The following PRH1 variants were observed in gnomAD, a reference collection of about 807,000 sequenced individuals.
PRH1 encodes salivary acidic proline-rich phosphoprotein 1/2.
A neutral mutation model predicts 7.9 loss-of-function variants in PRH1; 7 were observed. That is an observed-to-expected ratio of 0.89 (90% CI 0.50 to 1.67). The LOEUF (loss-of-function observed/expected upper bound fraction) is 1.67, where lower values mean the gene tolerates loss of function less well. PRH1 is among the 40% of genes most tolerant of loss of function. The pLI, the probability that PRH1 is intolerant of heterozygous loss-of-function variation, is 0.00. For missense variants in PRH1, 109 were observed against 223.6 expected, an observed-to-expected ratio of 0.49 and a Z score of 3.27; for synonymous variants, 45 against 80.8, an observed-to-expected ratio of 0.56 and a Z score of 2.38.
chr12:10,937,324 T>C (rs1243204612), intron 2 of PRH1: 2 of 152,172 alleles, frequency 1.3e-5, no homozygotes, highest in Admixed American at 6.6e-5. Flanking sequence ...CATTGTTTTA[T>C]GTACCACCAT....
chr12:10,970,038 G>GTGATC (rs1471195923), intron 2 of PRH1, among the ~76,000 whole-genome samples: 1 of 152,180 alleles, frequency 6.6e-6, no homozygotes, highest in East Asian at 1.9e-4. Context: ...CTGACCTCAG[G>GTGATC]TGATCTGCCT....
chr12:11,093,083 T>A lies in PRH1; in HGVS notation n.124-45895A>T, dbSNP rs1351496288. On this transcript the variant is annotated intron_variant and non_coding_transcript_variant, in intron 1 of 4. Transcript: ENST00000541977. Reference sequence around the variant, plus strand: ...ACATATTCACTTTCAGTGTTTGCAATTTTTCCTTGTGTAAACTCTCCATCA... The same window carrying A: ...ACATATTCACTTTCAGTGTTTGCAAATTTTCCTTGTGTAAACTCTCCATCA... 2.6e-5 allele frequency among the ~76,000 whole-genome samples: 3 copies of A among 116,514 alleles called. 1 individual carries two copies. The highest frequency in any genetic ancestry group is 6.1e-5 in the Non-Finnish European group (3 of 49,296). The allele number at this position is 116,514 out of a possible 152,430, so 76.4% of individuals were successfully genotyped here.
intron 2 of PRH1, among the ~76,000 whole-genome samples, chr12:10,921,775 T>C (rs1465245234): frequency 1.3e-5 from 2 of 152,296 alleles, no homozygotes; most frequent in African/African-American, 4.8e-5. Flanking sequence ...TTTTGTTTGT[T>C]TAGTTTTTGA....
At chr12:11,000,176 C>T (rs2060702) in intron 1 of PRH1, among the ~76,000 whole-genome samples, 46,322 of 151,936 alleles carry the variant, frequency 0.3, 8,922 homozygotes, top group East Asian at 0.74. Flanking sequence ...GTCTCTTTAT[C>T]GCTATTTGCA....
chr12:11,161,288 G>A (rs746565547), intron 1 of PRH1, among the ~76,000 whole-genome samples: 4 of 152,156 alleles, frequency 2.6e-5, no homozygotes, highest in Non-Finnish European at 5.9e-5. Flanking sequence ...CATATTGTTT[G>A]AAACGTTTTA....
Position 10,997,163 on chromosome 12 carries a change from A to G in PRH1, c.-125-23442T>C, listed in dbSNP as rs770485784. 39 of 1,613,984 alleles carry G rather than the reference A, an allele frequency of 2.4e-5. No homozygotes were observed. In the Admixed American group the frequency reaches 6.2e-4, roughly 26 times the overall value. On this transcript the variant is annotated intron_variant, in intron 1 of 3. Transcript: ENST00000539853. ...GATTAGACACAGAAAGTAAATGGCAAGTAATATGAGGAAGGAGGTCACAGT... is the reference window on the plus strand; with the variant it reads ...GATTAGACACAGAAAGTAAATGGCAGGTAATATGAGGAAGGAGGTCACAGT...
chr12:11,122,601 T>C (rs904910225), intron 1 of PRH1, among the ~76,000 whole-genome samples: 15 of 152,286 alleles, frequency 9.8e-5, no homozygotes, highest in African/African-American at 3.6e-4. Context: ...AAAAACCTGT[T>C]GAAAAATCTG....
At chr12:11,108,651 TC>T in intron 1 of PRH1, among the ~76,000 whole-genome samples, 1 of 152,320 alleles carries the variant, frequency 6.6e-6, no homozygotes, top group Admixed American at 6.5e-5. Context: ...TACTACACTT[TC>T]CCCATGGTCT....
At chr12:11,037,421 T>C (rs1466376178) in intron 1 of PRH1, among the ~76,000 whole-genome samples, 4 of 152,250 alleles carry the variant, frequency 2.6e-5, no homozygotes, top group African/African-American at 9.6e-5. Flanking sequence ...CCAAAAAATT[T>C]ATAGTAACAA....
At chr12:10,898,956 T>C (rs994284291) in intron 2 of PRH1, among the ~76,000 whole-genome samples, 6 of 152,230 alleles carry the variant, frequency 3.9e-5, no homozygotes, top group African/African-American at 1.4e-4. Context: ...AGAAGAGGCA[T>C]GTGCCCAGAA....
intron 1 of PRH1, among the ~76,000 whole-genome samples, chr12:11,088,949 C>T (rs2136250982): frequency 8.6e-6 from 1 of 115,816 alleles, no homozygotes; most frequent in East Asian, 2.1e-4. Flanking sequence ...AAAAACAAAA[C>T]AGCAAGTGGA....
At position 11,092,738 on chromosome 12, in the gene PRH1, G is replaced by T. The variant is rs1389750231; in HGVS notation, n.124-45550C>A. 1.7e-5 allele frequency among the ~76,000 whole-genome samples: 2 copies of T among 115,874 alleles called. 1 individual carries two copies. The highest frequency in any genetic ancestry group is 4.1e-5 in the Non-Finnish European group (2 of 49,116). 76.0% of individuals were successfully genotyped at this position (115,874 alleles called of 152,430 possible). A position where few individuals can be genotyped will look rare whatever the true frequency, so the allele number is the denominator to read the frequency against. ...TCCAAGTCCCCACAAGATTCAGGAA[G>T]TATAGCTGGCTTCATCTCTCAATCT... is the stretch of plus-strand genomic sequence containing the variant. On this transcript the variant is annotated intron_variant and non_coding_transcript_variant, in intron 1 of 4. Coordinates refer to the PRH1 transcript ENST00000541977.
Position 11,031,288 on chromosome 12 carries a change from T to C in PRH1, c.-126+15732A>G, listed in dbSNP as rs1389340315. On this transcript the variant is annotated intron_variant, in intron 1 of 3. Coordinates refer to the PRH1 transcript ENST00000539853. ...CATTAGCAAAATTTCCAATAACAAA[T>C]AGAACCACTACCACACTGGAAAAAA... 5 of 1,613,776 alleles carry C rather than the reference T, an allele frequency of 3.1e-6. No individual in the cohort carries two copies. In the South Asian group the frequency reaches 3.3e-5, roughly 11 times the overall value.
At chr12:11,026,608 T>G (rs1366984709) in intron 1 of PRH1, among the ~76,000 whole-genome samples, 1 of 152,046 alleles carries the variant, frequency 6.6e-6, no homozygotes, top group Non-Finnish European at 1.5e-5. Flanking sequence ...GTCAGTGCCG[T>G]GACAAAACAC....
chr12:10,929,353 G>T, intron 2 of PRH1: 1 of 1,614,102 alleles, frequency 6.2e-7, no homozygotes, highest in South Asian at 1.1e-5. Context: ...CCGAATTGGG[G>T]GAAGATATTG....
intron 1 of PRH1, among the ~76,000 whole-genome samples, chr12:10,981,555 A>G (rs1225795705): frequency 2.6e-5 from 4 of 151,786 alleles, no homozygotes; most frequent in Admixed American, 1.3e-4. Context: ...TTGTATTTTT[A>G]GTAGAGGTGG....
intron 1 of PRH1, among the ~76,000 whole-genome samples, chr12:10,998,211 T>C (rs1317875104): frequency 2.0e-5 from 3 of 152,190 alleles, no homozygotes; most frequent in Admixed American, 6.6e-5. Flanking sequence ...AATAAAGACA[T>C]ATCCTCTTTC....
intron 1 of PRH1, among the ~76,000 whole-genome samples, chr12:11,140,777 T>G (rs142650272): frequency 1.1e-3 from 174 of 152,250 alleles, no homozygotes; most frequent in African/African-American, 3.9e-3. Context: ...TTCAGCAACT[T>G]CAGTTGTTAG....
At chr12:10,944,353 T>C (rs1352550341) in intron 2 of PRH1, among the ~76,000 whole-genome samples, 2 of 152,156 alleles carry the variant, frequency 1.3e-5, no homozygotes, top group African/African-American at 2.4e-5. Flanking sequence ...TGAATGGGAT[T>C]GCCTTCCTGA....
Sources: gnomAD v4.1 joint callset for allele counts (sites outside exome capture counted in the v4.1 genomes callset) on GRCh38, gnomAD v4.1.1 for gene constraint, MANE v1.5 for transcripts, NCBI Gene and HGNC (gene_info 2026-07-23, HGNC 2026-07-21) for gene names.